The following CNN3 variants were observed in gnomAD, a reference collection of about 807,000 sequenced individuals.
CNN3 encodes calponin 3, also known as calponin-3.
A neutral mutation model predicts 39.0 loss-of-function variants in CNN3; 11 were observed. That is an observed-to-expected ratio of 0.28 (90% confidence interval 0.18 to 0.47). The LOEUF (loss-of-function observed/expected upper bound fraction) is 0.47. Among genes scored for constraint, CNN3 ranks in the 20% least tolerant of loss-of-function variants. CNN3 has a pLI of 0.99. For missense variants in CNN3, 266 were observed against 403.4 expected (o/e 0.66, Z 2.92); for synonymous variants, 101 against 138.3 (o/e 0.73, Z 1.89).
chr1:94,898,541 T>A (rs769139758), intron 6 of CNN3, among the ~76,000 whole-genome samples: 1 of 152,172 alleles, frequency 6.6e-6, no homozygotes, highest in East Asian at 1.9e-4. Flanking sequence ...ACAGAAACTA[T>A]GTTGAGCAGA....
Position 94,903,421 on chromosome 1 carries a change from T to A in CNN3, c.161A>T (p.Asp54Val). The part of the protein sequence containing the change: ...IGPNFQLGLK[D>V]GIILCELINK... ...AACTCACTCGCAGAGGATGATGCCA[T>A]CCTTTAAGCCCAGCTGGAAGTTGGG... The change falls in exon 2 of 7, where the codon GAT (aspartate) becomes GTT (valine). Residue 54 changes from aspartate (D) to valine (V), a missense_variant. Coordinates refer to ENST00000370206, the MANE Select transcript of CNN3 (RefSeq NM_001839.5). 2 of 1,603,334 alleles carry A rather than the reference T, an allele frequency of 1.2e-6. No homozygotes were observed. The highest frequency in any genetic ancestry group is 1.3e-5 in the African/African-American group (1 of 74,626).
At position 94,926,018 on chromosome 1, in the gene CNN3, G is replaced by A. The variant is rs1671567468; in HGVS notation, c.57+820C>T. 6.6e-6 allele frequency among the ~76,000 whole-genome samples: 1 copy of A among 152,140 alleles called. No homozygotes were observed. The highest frequency in any genetic ancestry group is 2.4e-5 in the African/African-American group (1 of 41,418). ...ACCTAACGCATTCTTGGGCTCAGTG[G>A]CAAAGCTGAGCGTCACCAAATCCCA... On this transcript the variant is annotated intron_variant, in intron 1 of 6. Transcript: ENST00000370206. This position sits in a 1 kb window ranked among gnomAD's most constrained non-coding sequence, Gnocchi z 4.2.
chr1:94,910,689 C>A (rs1007193222), intron 1 of CNN3, among the ~76,000 whole-genome samples: 8 of 152,186 alleles, frequency 5.3e-5, no homozygotes, highest in Non-Finnish European at 1.2e-4. Flanking sequence ...ACCCAGGTCA[C>A]CCCATTTCTT....
At position 94,905,932 on chromosome 1, in the gene CNN3, C is replaced by T. The variant is rs150948993; in HGVS notation, c.58-2408G>A. ...TCTCCTCCAACACATCAAATAAACC[C>T]ATTTTTATGGCACTTTTAGAAAATA... On this transcript the variant is annotated intron_variant, in intron 1 of 6. Transcript: ENST00000370206. Among the ~76,000 whole-genome samples, 495 of 152,258 alleles carry T rather than the reference C, an allele frequency of 3.3e-3. 2 individuals are homozygous for T. Among genetic ancestry groups the T allele is most frequent in the African/African-American group, 0.011 (469 of 41,562 alleles).
At chr1:94,911,925 G>A (rs1156947408) in intron 1 of CNN3, among the ~76,000 whole-genome samples, 2 of 152,054 alleles carry the variant, frequency 1.3e-5, no homozygotes, top group Non-Finnish European at 2.9e-5. Context: ...AATTAGCTGG[G>A]CGTGGTGGCA....
At chr1:94,914,881 C>T (rs1474048670) in intron 1 of CNN3, among the ~76,000 whole-genome samples, 1 of 151,800 alleles carries the variant, frequency 6.6e-6, no homozygotes, top group Non-Finnish European at 1.5e-5. Context: ...ATAGAATTTC[C>T]CATTTTCTCT....
Position 94,902,193 on chromosome 1 carries a change from G to A in CNN3, c.312C>T (p.Phe104=), listed in dbSNP as rs748417225. The change falls in exon 4 of 7, where the codon TTC becomes TTT. Residue 104 remains phenylalanine, a synonymous_variant. Coordinates refer to ENST00000370206, the MANE Select transcript of CNN3 (RefSeq NM_001839.5). Reference sequence around the variant, plus strand: ...CATTCTCAAAAAGATCATTTGCTTCGAATATGTCATGTGGCTTCATACCAT... The same window carrying A: ...CATTCTCAAAAAGATCATTTGCTTCAAATATGTCATGTGGCTTCATACCAT... ...QAYGMKPHDI[F]EANDLFENGN... The A allele has an allele frequency of 1.2e-5, 20 of 1,612,946 alleles. No individual in the cohort carries two copies. Among genetic ancestry groups the A allele is most frequent in the Admixed American group, 1.2e-4 (7 of 59,996 alleles).
At chr1:94,915,463 A>C (rs1415893853) in intron 1 of CNN3, among the ~76,000 whole-genome samples, 1 of 152,066 alleles carries the variant, frequency 6.6e-6, no homozygotes, top group Admixed American at 6.6e-5. Context: ...GTCACAGGGG[A>C]CCCTCCACAT....
chr1:94,925,099 T>A (rs555961018), intron 1 of CNN3, among the ~76,000 whole-genome samples: 1 of 152,260 alleles, frequency 6.6e-6, no homozygotes, highest in South Asian at 2.1e-4. Flanking sequence ...GCTGCTACAT[T>A]AGTCAGCAAA....
intron 6 of CNN3, 99 bp downstream of exon 6, chr1:94,899,271 TA>T: frequency 4.8e-6 from 6 of 1,247,900 alleles, no homozygotes; most frequent in Non-Finnish European, 6.5e-6. Context: ...TGAAGGAATA[TA>T]CTCTAAATAA....
chr1:94,905,023 C>T (rs1670960200), intron 1 of CNN3, among the ~76,000 whole-genome samples: 1 of 152,140 alleles, frequency 6.6e-6, no homozygotes, highest in South Asian at 2.1e-4. Context: ...TTCCAGTCTA[C>T]ACCACTCACG....
chr1:94,912,887 T>C (rs1671201427), intron 1 of CNN3, among the ~76,000 whole-genome samples: 1 of 152,158 alleles, frequency 6.6e-6, no homozygotes, highest in Admixed American at 6.5e-5. Flanking sequence ...TGAAGTCCAG[T>C]TTAGTAACCC....
Position 94,926,983 on chromosome 1 carries a change from C to T in CNN3, c.-89G>A. 1 of 1,416,384 alleles carries T rather than the reference C, an allele frequency of 7.1e-7. No individual in the cohort carries two copies. Among genetic ancestry groups the T allele is most frequent in the South Asian group, 1.3e-5 (1 of 79,762 alleles). The allele number at this position is 1,416,384 out of a possible 1,614,324, so 87.7% of individuals were successfully genotyped here. On this transcript the variant is annotated 5_prime_UTR_variant, in exon 1 of 7. Transcript: ENST00000370206. This position sits in a 1 kb window ranked among gnomAD's most constrained non-coding sequence, Gnocchi z 4.2. Reference sequence around the variant, plus strand: ...GCTCCTGGCCCCGAGGAGTGGCCGCCGCGGGGGATGCTCGAACTCCCTCCT... The same window carrying T: ...GCTCCTGGCCCCGAGGAGTGGCCGCTGCGGGGGATGCTCGAACTCCCTCCT...
Position 94,926,929 on chromosome 1 carries a change from G to A in CNN3, c.-35C>T, listed in dbSNP as rs185299686. The A allele has an allele frequency of 6.6e-5, 106 of 1,597,038 alleles. No individual in the cohort carries two copies. In the Middle Eastern group the frequency reaches 2.7e-3, roughly 40 times the overall value. ...GGCGGCGGGAAGAGACAGCGCTGGG[G>A]TCCGGGGTCTCTCGCACTTCGCTTC... On this transcript the variant is annotated 5_prime_UTR_variant, in exon 1 of 7. Coordinates refer to ENST00000370206, the MANE Select transcript of CNN3 (RefSeq NM_001839.5). The surrounding 1 kb of genome is among the most constrained non-coding windows in gnomAD (Gnocchi z 4.2).
chr1:94,915,104 T>C (rs1671250244), intron 1 of CNN3, among the ~76,000 whole-genome samples: 1 of 152,186 alleles, frequency 6.6e-6, no homozygotes, highest in Non-Finnish European at 1.5e-5. Context: ...GCTGGTCCCA[T>C]TTCCTCCTTT....
At chr1:94,912,085 T>C (rs893137040) in intron 1 of CNN3, among the ~76,000 whole-genome samples, 1 of 151,910 alleles carries the variant, frequency 6.6e-6, no homozygotes, top group African/African-American at 2.4e-5. Context: ...AAATTTTATA[T>C]ATATGATTAA....
chr1:94,900,396 C>T (rs1023118663), intron 5 of CNN3, among the ~76,000 whole-genome samples: 1 of 152,102 alleles, frequency 6.6e-6, no homozygotes, highest in Non-Finnish European at 1.5e-5. Context: ...TCTATAGATG[C>T]ACATATATAC....
Position 94,898,081 on chromosome 1 carries a change from T to TGC in CNN3, c.649_650dup (p.Gly218GlnfsTer4), listed in dbSNP as rs1670770526. ...TTCTGGTACCTGGTGCTAACATCCC[T>TGC]GCCTGGTATTAGAACATAGTATAAA... On this transcript the variant is annotated frameshift_variant and splice_region_variant, in exon 7 of 7. Transcript: ENST00000370206. LOFTEE classifies it high-confidence loss of function. The TGC allele has an allele frequency of 6.2e-7, 1 of 1,613,036 alleles. No individual in the cohort carries two copies. The highest frequency in any genetic ancestry group is 8.5e-7 in the Non-Finnish European group (1 of 1,179,410).
rs1432386556 is a variant in CNN3, at chr1:94,908,483, CCTTT to C, written c.58-4963_58-4960del. The stretch of plus-strand genomic sequence containing the variant: ...AGATCAGTCCTTTCTTGTTTCATGA[CCTTT>C]CTTTAGCCCTCACTTTCTTTTGTAA... On this transcript the variant is annotated intron_variant, in intron 1 of 6. Coordinates refer to ENST00000370206, the MANE Select transcript of CNN3 (RefSeq NM_001839.5). 3.9e-5 allele frequency among the ~76,000 whole-genome samples: 6 copies of C among 152,196 alleles called. No homozygotes were observed. The East Asian group carries it at 1.2e-3, about 29-fold the overall frequency.
Sources: allele counts gnomAD v4.1 joint callset (sites outside exome capture counted in the v4.1 genomes callset), GRCh38; gene constraint gnomAD v4.1.1; non-coding constraint Gnocchi (gnomAD v3.1); transcripts MANE v1.5; gene names NCBI Gene and HGNC (gene_info 2026-07-23, HGNC 2026-07-21).